Variants in HGF observed in about 807,000 individuals in gnomAD.
HGF encodes the protein fibroblast-derived tumor cytotoxic factor.
A neutral mutation model predicts 111.6 loss-of-function variants in HGF; 39 were observed. The ratio of observed to expected loss-of-function variants is 0.35; its 90% CI spans 0.27 to 0.46. HGF has a LOEUF of 0.46. Among genes scored for constraint, HGF ranks in the 20% least tolerant of loss-of-function variants. HGF has a pLI of 1.00. For synonymous variants in HGF, 285 were observed against 294.8 expected (o/e 0.97, Z 0.34); for missense variants, 735 against 910.5 (o/e 0.81, Z 2.48).
intron 2 of HGF, among the ~76,000 whole-genome samples, chr7:81,761,310 G>A (rs528049237): frequency 1.3e-5 from 2 of 152,232 alleles, no homozygotes; most frequent in South Asian, 2.1e-4. Context: ...ACTATCTCCC[G>A]GAAATTGGCA....
At chr7:81,743,033 G>T in intron 7 of HGF, 2 of 1,163,850 alleles carry the variant, frequency 1.7e-6, no homozygotes, top group Non-Finnish European at 2.6e-6. Flanking sequence ...ATGACTTTGT[G>T]ATGCTGCACA....
intron 8 of HGF, 102 bp from the exon 9 acceptor site, chr7:81,726,119 A>T: frequency 8.3e-7 from 1 of 1,200,904 alleles, no homozygotes; most frequent in Non-Finnish European, 1.2e-6. Context: ...CATGTTTATA[A>T]ATAGAGTTCT....
intron 7 of HGF, among the ~76,000 whole-genome samples, chr7:81,739,705 CT>C (rs941390825): frequency 2.6e-5 from 4 of 152,000 alleles, no homozygotes; most frequent in Non-Finnish European, 5.9e-5. Flanking sequence ...AAGAATTCAC[CT>C]GAGAGAAGAA....
Position 81,714,965 on chromosome 7 carries a change from C to T in HGF, c.1405+2267G>A, listed in dbSNP as rs547713815. 3.3e-5 allele frequency among the ~76,000 whole-genome samples: 5 copies of T among 152,166 alleles called. 1 individual carries two copies. Among genetic ancestry groups the T allele is most frequent in the African/African-American group, 1.2e-4 (5 of 41,558 alleles). ...TGATTTATCTGCAATAGTATTTAAT[C>T]AAATACTAGTAACCCCCTCAAGTCT... On this transcript the variant is annotated intron_variant, in intron 11 of 17. Transcript: ENST00000222390.
chr7:81,758,851 A>C, intron 2 of HGF, 47 bp from the exon 3 acceptor site: 1 of 1,239,684 alleles, frequency 8.1e-7, no homozygotes, highest in Non-Finnish European at 1.2e-6. Context: ...CTATTTATAC[A>C]GTATTTAAAG....
intron 6 of HGF, 52 bp downstream of exon 6, chr7:81,744,948 G>C: frequency 6.3e-7 from 1 of 1,585,418 alleles, no homozygotes; most frequent in Non-Finnish European, 8.7e-7. Context: ...GTCATAGAGT[G>C]AATAATAGTT....
chr7:81,751,300 T>G, intron 5 of HGF: 1 of 985,178 alleles, frequency 1.0e-6, no homozygotes, highest in African/African-American at 1.7e-5. Context: ...CTTAGATTTT[T>G]GGAAATTTAG....
intron 1 of HGF, among the ~76,000 whole-genome samples, chr7:81,764,984 C>T (rs1214140157): frequency 2.6e-5 from 4 of 151,722 alleles, no homozygotes; most frequent in Non-Finnish European, 5.9e-5. Flanking sequence ...ATCTATGAAA[C>T]AACTATTCAC....
At position 81,707,325 on chromosome 7, in the gene HGF, A is replaced by G. The variant is rs775625219; in HGVS notation, c.1581T>C (p.Ser527=). The G allele has an allele frequency of 8.7e-6, 14 of 1,603,060 alleles. No homozygotes were observed. Among genetic ancestry groups the G allele is most frequent in the Middle Eastern group, 3.3e-4 (2 of 6,054 alleles). The change falls in exon 14 of 18, where the codon AGT becomes AGC. Residue 527 remains serine, a synonymous_variant. Transcript: ENST00000222390. ...AACACTGTCGTGCAGTAAGAACCCA[A>G]CTCTCCTTTATCAATGATCCTCCGC... The part of the protein sequence containing the change: ...HICGGSLIKE[S]WVLTARQCFP...
chr7:81,742,856 G>C, intron 7 of HGF: 1 of 1,598,946 alleles, frequency 6.3e-7, no homozygotes, highest in Non-Finnish European at 8.5e-7. Context: ...AGAGACATCT[G>C]TGATAAACTT....
intron 8 of HGF, 129 bp from the exon 9 acceptor site, chr7:81,726,146 A>C: frequency 1.2e-6 from 1 of 865,192 alleles, no homozygotes; most frequent in East Asian, 2.5e-5. Flanking sequence ...TTGGACTCAG[A>C]ATAGCTATAA....
intron 7 of HGF, among the ~76,000 whole-genome samples, chr7:81,732,095 A>ACATAACT (rs1787679433): frequency 6.6e-6 from 1 of 152,210 alleles, no homozygotes; most frequent in African/African-American, 2.4e-5. Context: ...TATGCTGTGC[A>ACATAACT]CATAACTCAC....
chr7:81,762,950 G>A, intron 1 of HGF, 78 bp from the exon 2 acceptor site: 2 of 859,628 alleles, frequency 2.3e-6, no homozygotes, highest in Non-Finnish European at 3.7e-6. Context: ...AAAATCCTAA[G>A]GATCATCTAC....
intron 4 of HGF, among the ~76,000 whole-genome samples, chr7:81,753,346 A>C (rs1199392740): frequency 1.3e-5 from 2 of 152,084 alleles, no homozygotes; most frequent in Non-Finnish European, 2.9e-5. Context: ...CATTTCTTTG[A>C]AAATCCAGTT....
chr7:81,713,702 A>G (rs1196966316), intron 11 of HGF, among the ~76,000 whole-genome samples: 1 of 152,120 alleles, frequency 6.6e-6, no homozygotes, highest in African/African-American at 2.4e-5. Context: ...GGCCGGATGC[A>G]TCCATTTAAC....
rs73379359 is a variant in HGF, at chr7:81,711,191, G to A, written c.1444+290C>T. Among the ~76,000 whole-genome samples, 1,509 of 152,132 alleles carry A rather than the reference G, an allele frequency of 9.9e-3. 28 individuals are homozygous for A. Among genetic ancestry groups the A allele is most frequent in the African/African-American group, 0.034 (1,395 of 41,490 alleles). On this transcript the variant is annotated intron_variant, in intron 12 of 17. Transcript: ENST00000222390. ...TATATATAAAGGTGGTCCATTATAC[G>A]CATTGTGCCCCAAATTAAAAGTAAA...
rs760728215 is a variant in HGF at position 81,702,658 on chromosome 7, C to T, written c.2110G>A (p.Gly704Ser). 1.2e-5 allele frequency: 19 copies of T among 1,611,278 alleles called. No individual in the cohort carries two copies. Among genetic ancestry groups the T allele is most frequent in the Non-Finnish European group, 1.6e-5 (19 of 1,178,198 alleles). Reference sequence around the variant, plus strand: ...TAATATGCTACTCGGACAAAAATACCAGGACGATTTGGAATGGCACATCCA... The same window carrying T: ...TAATATGCTACTCGGACAAAAATACTAGGACGATTTGGAATGGCACATCCA... Reference protein sequence around the residue: ...GRGCAIPNRPGIFVRVAYYAK... With the variant: ...GRGCAIPNRPSIFVRVAYYAK... The change falls in exon 18 of 18, where the codon GGT (glycine) becomes AGT (serine). Residue 704 changes from glycine (G) to serine (S), a missense_variant. Gly to Ser is a moderately conservative substitution (Grantham distance 56). This residue lies in a region of HGF where 52 missense variants were observed against 95.0 expected (regional missense o/e 0.55). Transcript: ENST00000222390.
chr7:81,760,677 G>A lies in HGF; in HGVS notation c.255-1873C>T, dbSNP rs532070944. On this transcript the variant is annotated intron_variant, in intron 2 of 17. Transcript: ENST00000222390. ...CAAATACATATGTGTGTCTATGTGC[G>A]TGCGTGTGTGTGTGTGTGTGTGTGT... Among the ~76,000 whole-genome samples the A allele has an allele frequency of 4.4e-3, 408 of 91,988 alleles. 1 individual carries two copies. Among genetic ancestry groups the A allele is most frequent in the Non-Finnish European group, 3.5e-3 (167 of 47,260 alleles). 60.3% of individuals were successfully genotyped at this position (91,988 alleles called of 152,430 possible). A position where few individuals can be genotyped will look rare whatever the true frequency, so the allele number is the denominator to read the frequency against.
At chr7:81,718,404 G>T (rs1339358531) in intron 10 of HGF, among the ~76,000 whole-genome samples, 1 of 152,230 alleles carries the variant, frequency 6.6e-6, no homozygotes, top group Non-Finnish European at 1.5e-5. Context: ...AAACTAATTG[G>T]TGTAATGTCA....
Sources: allele counts gnomAD v4.1 joint callset (sites outside exome capture counted in the v4.1 genomes callset), GRCh38; gene constraint gnomAD v4.1.1; regional missense constraint gnomAD v4.1.1; transcripts MANE v1.5; gene names NCBI Gene and HGNC (gene_info 2026-07-23, HGNC 2026-07-21).